Variants in VWC2L observed in about 807,000 individuals in gnomAD.
The protein encoded by VWC2L is von Willebrand factor C domain-containing protein 2-like.
VWC2L carries 10 observed loss-of-function variants against 21.6 expected under a neutral mutation model. The ratio of observed to expected loss-of-function variants is 0.46; its 90% CI spans 0.29 to 0.78. The LOEUF (loss-of-function observed/expected upper bound fraction) is 0.78. Ranked by LOEUF, VWC2L falls within the 30% of genes least tolerant of loss-of-function variation. The pLI is 0.10. For missense variants in VWC2L, 209 were observed against 277.1 expected (o/e 0.75, Z 1.74); for synonymous variants, 96 against 94.3 (o/e 1.02, Z -0.10).
chr2:214,541,426 T>G (rs1165031732), intron 3 of VWC2L, among the ~76,000 whole-genome samples: 1 of 152,202 alleles, frequency 6.6e-6, no homozygotes. Context: ...CATTGCTCCA[T>G]GCAGTCTTGT....
At chr2:214,549,039 T>A (rs1037003424) in intron 3 of VWC2L, among the ~76,000 whole-genome samples, 3 of 152,180 alleles carry the variant, frequency 2.0e-5, no homozygotes, top group African/African-American at 7.2e-5. Flanking sequence ...AAATCTGTTT[T>A]CTTTCATTTT....
intron 3 of VWC2L, among the ~76,000 whole-genome samples, chr2:214,533,414 C>T (rs1689473255): frequency 6.6e-6 from 1 of 152,014 alleles, no homozygotes; most frequent in South Asian, 2.1e-4. Context: ...TGCAGCTGGT[C>T]TTCCCAGGTC....
intron 3 of VWC2L, among the ~76,000 whole-genome samples, chr2:214,518,136 A>G (rs957026207): frequency 4.0e-5 from 6 of 150,920 alleles, no homozygotes; most frequent in Admixed American, 1.3e-4. Context: ...ACTGCACTCC[A>G]GCCTGGATGA....
chr2:214,546,131 C>G (rs1689703302), intron 3 of VWC2L, among the ~76,000 whole-genome samples: 1 of 152,122 alleles, frequency 6.6e-6, no homozygotes, highest in Non-Finnish European at 1.5e-5. Context: ...TGGGAGGAAA[C>G]TCCTAGCTTA....
intron 3 of VWC2L, among the ~76,000 whole-genome samples, chr2:214,552,609 T>G (rs1156430369): frequency 2.0e-5 from 3 of 152,222 alleles, no homozygotes; most frequent in Non-Finnish European, 4.4e-5. Context: ...CTCCTATTTC[T>G]GTAATCATTA....
chr2:214,485,646 T>G (rs1253517601), intron 3 of VWC2L, among the ~76,000 whole-genome samples: 1 of 152,198 alleles, frequency 6.6e-6, no homozygotes, highest in Non-Finnish European at 1.5e-5. Flanking sequence ...CACATTTGCC[T>G]CACTCCCCTA....
chr2:214,427,910 C>T (rs971377968), intron 2 of VWC2L, among the ~76,000 whole-genome samples: 1 of 152,100 alleles, frequency 6.6e-6, no homozygotes, highest in African/African-American at 2.4e-5. Context: ...CATCCATTTC[C>T]TTTCCAATAC....
At position 214,492,270 on chromosome 2, in the gene VWC2L, G is replaced by A. The variant is rs1688755642; in HGVS notation, c.520+55512G>A. ...GGGCATGTGATGACTATCCCCAGAGGTAGAGGTTGGGATCAGGGATGCACC... is the reference window on the plus strand; with the variant it reads ...GGGCATGTGATGACTATCCCCAGAGATAGAGGTTGGGATCAGGGATGCACC... On this transcript the variant is annotated intron_variant, in intron 3 of 3. Coordinates refer to ENST00000312504, the MANE Select transcript of VWC2L (RefSeq NM_001080500.4). Among the ~76,000 whole-genome samples the A allele has an allele frequency of 2.6e-5, 4 of 152,182 alleles. No individual in the cohort carries two copies. In the South Asian group the frequency reaches 8.3e-4, roughly 32 times the overall value.
chr2:214,415,871 A>G (rs550388247), intron 2 of VWC2L, among the ~76,000 whole-genome samples: 38 of 152,264 alleles, frequency 2.5e-4, no homozygotes, highest in Middle Eastern at 3.4e-3. Context: ...GCACAAAATT[A>G]AGAAGTAAAA....
rs185275227 is a variant in VWC2L, at chr2:214,547,740, A to T, written c.521-27932A>T. Among the ~76,000 whole-genome samples the T allele has an allele frequency of 1.3e-3, 204 of 152,306 alleles. 1 individual carries two copies. The highest frequency in any genetic ancestry group is 4.7e-3 in the African/African-American group (197 of 41,552). Reference sequence around the variant, plus strand: ...AGACACATGAAGTGACAGATATTCCATGGGAATCAAATAAGGAAAAGCACA... The same window carrying T: ...AGACACATGAAGTGACAGATATTCCTTGGGAATCAAATAAGGAAAAGCACA... On this transcript the variant is annotated intron_variant, in intron 3 of 3. Coordinates refer to ENST00000312504, the MANE Select transcript of VWC2L (RefSeq NM_001080500.4).
In VWC2L at chr2:214,470,916, C is replaced by CAAAAAAAAA. The variant is rs56041924; in HGVS notation, c.520+34177_520+34185dup. ...TGGGCAACAGAGTGAAACTCCATCTCAAAAAAAAAAAAAAAAAAAAAAAAA... is the reference window on the plus strand; with the variant it reads ...TGGGCAACAGAGTGAAACTCCATCTCAAAAAAAAAAAAAAAAAAAAAAAAAAAAAAAAAA... On this transcript the variant is annotated intron_variant, in intron 3 of 3. Coordinates refer to ENST00000312504, the MANE Select transcript of VWC2L (RefSeq NM_001080500.4). 3.5e-4 allele frequency among the ~76,000 whole-genome samples: 18 copies of CAAAAAAAAA among 50,796 alleles called. 1 individual carries two copies. The highest frequency in any genetic ancestry group is 1.4e-3 in the South Asian group (1 of 740). The allele number at this position is 50,796 out of a possible 152,430, so 33.3% of individuals were successfully genotyped here.
At chr2:214,467,600 GT>G (rs1703237567) in intron 3 of VWC2L, among the ~76,000 whole-genome samples, 1 of 152,096 alleles carries the variant, frequency 6.6e-6, no homozygotes, top group Non-Finnish European at 1.5e-5. Flanking sequence ...ATGGTTTCTA[GT>G]GCACTGTTAC....
At chr2:214,495,502 C>T (rs141907212) in intron 3 of VWC2L, among the ~76,000 whole-genome samples, 76 of 152,232 alleles carry the variant, frequency 5.0e-4, no homozygotes, top group Non-Finnish European at 9.1e-4. Flanking sequence ...ATCAGTTTTG[C>T]CCAGTTGATG....
In VWC2L at chr2:214,537,334, T is replaced by G. The variant is rs1270888598; in HGVS notation, c.521-38338T>G. Among the ~76,000 whole-genome samples, 3 of 152,020 alleles carry G rather than the reference T, an allele frequency of 2.0e-5. No individual in the cohort carries two copies. In the East Asian group the frequency reaches 5.8e-4, roughly 29 times the overall value. On this transcript the variant is annotated intron_variant, in intron 3 of 3. Coordinates refer to ENST00000312504, the MANE Select transcript of VWC2L (RefSeq NM_001080500.4). ...TGATGGACACTTCACTGATTCCATA[T>G]CATGGCTTTTGTGAATAATTATGTC...
At chr2:214,490,125 T>C (rs1179229277) in intron 3 of VWC2L, among the ~76,000 whole-genome samples, 2 of 152,102 alleles carry the variant, frequency 1.3e-5, no homozygotes, top group African/African-American at 4.8e-5. Flanking sequence ...GATGATATAT[T>C]TGGGAATGGA....
At chr2:214,430,807 T>C (rs1702590146) in intron 2 of VWC2L, among the ~76,000 whole-genome samples, 1 of 152,222 alleles carries the variant, frequency 6.6e-6, no homozygotes, top group South Asian at 2.1e-4. Context: ...ATTTGCTGAG[T>C]AACTGAGATG....
intron 3 of VWC2L, among the ~76,000 whole-genome samples, chr2:214,550,458 T>A (rs1234345737): frequency 1.3e-5 from 2 of 152,230 alleles, no homozygotes; most frequent in African/African-American, 4.8e-5. Flanking sequence ...ATCAAATATT[T>A]TTAAATGTCT....
intron 3 of VWC2L, among the ~76,000 whole-genome samples, chr2:214,461,324 G>C (rs1433826125): frequency 1.3e-5 from 2 of 152,182 alleles, no homozygotes; most frequent in Non-Finnish European, 2.9e-5. Flanking sequence ...AGTTTGTGTG[G>C]CATAGGCAAT....
intron 3 of VWC2L, among the ~76,000 whole-genome samples, chr2:214,459,513 G>C (rs1703108231): frequency 1.3e-5 from 2 of 152,150 alleles, no homozygotes; most frequent in Non-Finnish European, 2.9e-5. Flanking sequence ...AGTAACATTT[G>C]AATCCTTTCT....
Sources: gnomAD v4.1 joint callset for allele counts (sites outside exome capture counted in the v4.1 genomes callset) on GRCh38, gnomAD v4.1.1 for gene constraint, MANE v1.5 for transcripts, NCBI Gene and HGNC (gene_info 2026-07-23, HGNC 2026-07-21) for gene names.